Variants in PUDP observed in about 807,000 individuals in gnomAD.
The protein encoded by PUDP is pseudouridine 5'-phosphatase, also known as pseudouridine-5'-phosphatase.
Under a neutral mutation model 9.4 loss-of-function variants are expected in PUDP, and 8 were observed. That is an observed-to-expected ratio of 0.85 (90% confidence interval 0.50 to 1.53). The LOEUF is 1.53. Among genes scored for constraint, PUDP ranks in the 40% most tolerant of loss-of-function variants. The pLI is 0.00. For synonymous variants in PUDP, 99 were observed against 80.7 expected, an observed-to-expected ratio of 1.23 and a Z score of -1.22; for missense variants, 188 against 189.7, an observed-to-expected ratio of 0.99 and a Z score of 0.05.
At position 7,076,130 on chromosome X, in the gene PUDP, A is replaced by AAAAAC. The variant is rs772035143; in HGVS notation, c.510+1085_510+1089dup. On this transcript the variant is annotated intron_variant, in intron 3 of 3. Coordinates refer to ENST00000381077, the MANE Select transcript of PUDP (RefSeq NM_012080.5). ...AAGGTAGTAAGTTGCACCCTGGGCA[A>AAAAAC]AAAACAAAACAAAACAAAACAACAA... 2.2e-4 allele frequency among the ~76,000 whole-genome samples: 25 copies of AAAAAC among 111,981 alleles called. 1 individual carries two copies. In the East Asian group the frequency reaches 6.2e-3, roughly 28 times the overall value.
chrX:7,117,243 G>C (rs1932222448), intron 1 of PUDP, among the ~76,000 whole-genome samples: 1 of 112,075 alleles, frequency 8.9e-6, no homozygotes, highest in African/African-American at 3.2e-5. Context: ...AAGAACACAG[G>C]AAGATGAGAG....
At chrX:6,921,645 A>C (rs928035740) in intron 3 of PUDP, among the ~76,000 whole-genome samples, 2 of 109,595 alleles carry the variant, frequency 1.8e-5, no homozygotes, top group Non-Finnish European at 3.8e-5. Flanking sequence ...CACAATTATC[A>C]ATTTCTTCTC....
chrX:6,748,803 G>A, intron 3 of PUDP, among the ~76,000 whole-genome samples: 1 of 112,143 alleles, frequency 8.9e-6, no homozygotes, highest in South Asian at 3.7e-4. Context: ...TGTGACAGTA[G>A]GTGTGGACAA....
chrX:6,957,163 T>C, intron 3 of PUDP, among the ~76,000 whole-genome samples: 2 of 110,641 alleles, frequency 1.8e-5, no homozygotes, highest in South Asian at 7.7e-4. Context: ...AGGGGAGGAG[T>C]TGAAGATAAG....
At chrX:7,011,319 C>T (rs1280788860) in intron 1 of PUDP, among the ~76,000 whole-genome samples, 1 of 111,413 alleles carries the variant, frequency 9.0e-6, no homozygotes, top group African/African-American at 3.3e-5. Flanking sequence ...AGGAAGTAGC[C>T]CACTTGGTTC....
In PUDP at chrX:7,146,099, T is replaced by C. The variant is rs57945318; in HGVS notation, c.61+1954A>G. Among the ~76,000 whole-genome samples, 3 of 110,286 alleles carry C rather than the reference T, an allele frequency of 2.7e-5. No homozygotes were observed. The East Asian group carries it at 8.5e-4, about 31-fold the overall frequency. On this transcript the variant is annotated intron_variant, in intron 1 of 3. Transcript: ENST00000381077. ...AGGCCTTACCACCTCAAAGAAGAGG[T>C]AGGGCAGGAAAGGAGGAAATGGGCA...
At chrX:7,095,310 G>A (rs1257492905) in intron 2 of PUDP, among the ~76,000 whole-genome samples, 5 of 112,283 alleles carry the variant, frequency 4.5e-5, no homozygotes, top group Non-Finnish European at 9.4e-5. Context: ...TGCTAAGAGC[G>A]ACTGCTTCTT....
At chrX:6,899,934 T>C (rs1381283216) in intron 3 of PUDP, among the ~76,000 whole-genome samples, 3 of 111,430 alleles carry the variant, frequency 2.7e-5, no homozygotes, top group Non-Finnish European at 5.7e-5. Flanking sequence ...CTTAAGATAT[T>C]AGGTGCAGTG....
intron 3 of PUDP, among the ~76,000 whole-genome samples, chrX:6,926,396 G>A (rs748019291): frequency 2.7e-5 from 3 of 111,957 alleles, no homozygotes; most frequent in African/African-American, 9.7e-5. Context: ...AAACACAAAG[G>A]AGGCACGAAT....
intron 3 of PUDP, among the ~76,000 whole-genome samples, chrX:6,862,881 T>C (rs1927023758): frequency 1.8e-5 from 2 of 111,579 alleles, no homozygotes; most frequent in African/African-American, 6.5e-5. Context: ...CACCATCCAA[T>C]AGAAACATAA....
chrX:7,111,239 T>C (rs756593266), intron 1 of PUDP, among the ~76,000 whole-genome samples: 1 of 111,276 alleles, frequency 9.0e-6, no homozygotes, highest in Non-Finnish European at 1.9e-5. Context: ...CTCTACAGAA[T>C]ACCCAGTCTC....
chrX:6,793,441 C>T (rs1490725950), intron 3 of PUDP, among the ~76,000 whole-genome samples: 1 of 111,531 alleles, frequency 9.0e-6, no homozygotes, highest in Non-Finnish European at 1.9e-5. Flanking sequence ...ATTAACTGAA[C>T]GTTAATTGGG....
At chrX:6,819,695 G>A (rs1202370188) in intron 3 of PUDP, among the ~76,000 whole-genome samples, 2 of 111,820 alleles carry the variant, frequency 1.8e-5, no homozygotes, top group African/African-American at 6.5e-5. Flanking sequence ...GATCTGACAG[G>A]GGACTTTGCA....
At chrX:7,017,202 C>A (rs1251811510) in intron 1 of PUDP, among the ~76,000 whole-genome samples, 2 of 111,893 alleles carry the variant, frequency 1.8e-5, no homozygotes, top group Non-Finnish European at 3.8e-5. Context: ...GCCAGGAGAG[C>A]ATTTTTTCTG....
At chrX:7,087,255 G>A (rs1185411183) in intron 2 of PUDP, among the ~76,000 whole-genome samples, 4 of 111,766 alleles carry the variant, frequency 3.6e-5, no homozygotes, top group East Asian at 2.8e-4. Context: ...CACACAGGAC[G>A]AGGGAGGGCG....
chrX:6,939,086 T>G (rs1928358738), intron 3 of PUDP, among the ~76,000 whole-genome samples: 1 of 110,200 alleles, frequency 9.1e-6, no homozygotes, highest in Non-Finnish European at 1.9e-5. Context: ...TTTTAAGAGA[T>G]CTGGTGAAAA....
chrX:6,730,930 C>T (rs370374634), intron 3 of PUDP, among the ~76,000 whole-genome samples: 5 of 112,095 alleles, frequency 4.5e-5, no homozygotes, highest in East Asian at 5.6e-4. Flanking sequence ...TGAGAGCTGA[C>T]GTTGGATCTT....
chrX:6,903,956 A>AT (rs1372930172), intron 3 of PUDP, among the ~76,000 whole-genome samples: 3,530 of 96,854 alleles, frequency 0.036, 140 homozygotes, highest in African/African-American at 0.1. Context: ...ATATATATTT[A>AT]TTTTTTTTTT....
intron 1 of PUDP, among the ~76,000 whole-genome samples, chrX:7,035,378 C>A (rs907463563): frequency 8.9e-6 from 1 of 111,841 alleles, no homozygotes; most frequent in African/African-American, 3.2e-5. Flanking sequence ...GCTGTACATG[C>A]AGTTTTGCCT....
Sources: allele counts gnomAD v4.1 joint callset (sites outside exome capture counted in the v4.1 genomes callset), GRCh38; gene constraint gnomAD v4.1.1; transcripts MANE v1.5; gene names NCBI Gene and HGNC (gene_info 2026-07-23, HGNC 2026-07-21).